Variants in HTR2C observed in about 807,000 individuals in gnomAD.
The protein encoded by HTR2C is 5-hydroxytryptamine receptor 2C.
HTR2C carries 5 observed loss-of-function variants against 21.0 expected under a neutral mutation model. The observed-to-expected ratio is 0.24, with a 90% CI of 0.12 to 0.50. The LOEUF is 0.50. HTR2C is among the 20% of genes least tolerant of loss of function. The pLI, the probability that HTR2C is intolerant of heterozygous loss-of-function variation, is 0.98. For synonymous variants in HTR2C, 150 were observed against 145.3 expected (o/e 1.03, Z -0.23); for missense variants, 271 against 371.2 (o/e 0.73, Z 2.22).
At chrX:114,755,528 G>A (rs922561196) in intron 4 of HTR2C, among the ~76,000 whole-genome samples, 1 of 111,081 alleles carries the variant, frequency 9.0e-6, no homozygotes. Context: ...ACAAGTGTTT[G>A]TATTCAGGGC....
At chrX:114,894,664 T>C in intron 5 of HTR2C, among the ~76,000 whole-genome samples, 1 of 111,590 alleles carries the variant, frequency 9.0e-6, no homozygotes, top group East Asian at 2.8e-4. Flanking sequence ...TTCAATAAGG[T>C]ATTTATATTT....
At position 114,759,660 on chromosome X, in the gene HTR2C, G is replaced by A. The variant is rs782127008; in HGVS notation, c.349+28053G>A. Reference sequence around the variant, plus strand: ...ATTTACATCATCTTTAACTTTCCACGGGGCCCCAATTCGTCAATCTCAACT... The same window carrying A: ...ATTTACATCATCTTTAACTTTCCACAGGGCCCCAATTCGTCAATCTCAACT... On this transcript the variant is annotated intron_variant, in intron 4 of 5. Coordinates refer to ENST00000276198, the MANE Select transcript of HTR2C (RefSeq NM_000868.4). 3.0e-4 allele frequency among the ~76,000 whole-genome samples: 33 copies of A among 110,254 alleles called. 1 individual carries two copies. Among genetic ancestry groups the A allele is most frequent in the Admixed American group, 1.2e-3 (12 of 10,308 alleles).
At chrX:114,620,781 T>A (rs987228746) in intron 2 of HTR2C, among the ~76,000 whole-genome samples, 1 of 112,353 alleles carries the variant, frequency 8.9e-6, no homozygotes, top group Non-Finnish European at 1.9e-5. Context: ...CCTGGTCATG[T>A]TTCCTGTTTT....
intron 5 of HTR2C, among the ~76,000 whole-genome samples, chrX:114,851,682 A>G (rs2070918865): frequency 9.0e-6 from 1 of 111,080 alleles, no homozygotes; most frequent in Non-Finnish European, 1.9e-5. Flanking sequence ...TGATGCTCAA[A>G]TTGTCTCATA....
chrX:114,876,422 C>CTTTTTTTTTTTTTTTTTTTTTCTTTTTTT (rs60498146), intron 5 of HTR2C, among the ~76,000 whole-genome samples: 3 of 62,396 alleles, frequency 4.8e-5, no homozygotes, highest in Admixed American at 2.4e-4. Flanking sequence ...CTTTTTCTTT[C>CTTTTTTTTTTTTTTTTTTTTTCTTTTTTT]TTTTTTTTTT....
chrX:114,819,460 A>G (rs1188328926), intron 4 of HTR2C, among the ~76,000 whole-genome samples: 1 of 112,622 alleles, frequency 8.9e-6, no homozygotes, highest in East Asian at 2.8e-4. Flanking sequence ...TATTCAGCAG[A>G]TTACAGGATG....
At chrX:114,637,742 A>G (rs782063668) in intron 2 of HTR2C, among the ~76,000 whole-genome samples, 1 of 111,675 alleles carries the variant, frequency 9.0e-6, no homozygotes, top group South Asian at 3.7e-4. Flanking sequence ...AGGAAAATTA[A>G]AATGCAAACT....
intron 4 of HTR2C, among the ~76,000 whole-genome samples, chrX:114,758,297 C>T (rs1208861169): frequency 9.0e-6 from 1 of 111,324 alleles, no homozygotes; most frequent in Admixed American, 9.6e-5. Context: ...CATGGTGGCT[C>T]ATGCCTGCAA....
chrX:114,906,889 A>G lies in HTR2C; in HGVS notation c.851A>G (p.Gln284Arg). The part of the protein sequence containing the change: ...EENSANPNQD[Q>R]NARRRKKKER... ...AACTCTGCAAACCCTAACCAAGACC[A>G]GAACGCACGCCGAAGAAAGAAGAAG... is the stretch of plus-strand genomic sequence containing the variant. The change falls in exon 6 of 6, where the codon CAG (glutamine) becomes CGG (arginine). Residue 284 changes from glutamine (Q) to arginine (R), a missense_variant. Coordinates refer to ENST00000276198, the MANE Select transcript of HTR2C (RefSeq NM_000868.4). 2 of 1,211,284 alleles carry G rather than the reference A, an allele frequency of 1.7e-6. No homozygotes were observed. Among genetic ancestry groups the G allele is most frequent in the East Asian group, 3.0e-5 (1 of 33,799 alleles).
chrX:114,865,950 G>C (rs990613248), intron 5 of HTR2C, among the ~76,000 whole-genome samples: 1 of 110,822 alleles, frequency 9.0e-6, no homozygotes, highest in Non-Finnish European at 1.9e-5. Flanking sequence ...TGAGTAGCTA[G>C]GATTACAGGC....
chrX:114,873,794 T>C (rs1367753970), intron 5 of HTR2C, among the ~76,000 whole-genome samples: 2 of 111,681 alleles, frequency 1.8e-5, no homozygotes, highest in Non-Finnish European at 3.8e-5. Context: ...TTTTTGTATA[T>C]GTGTGATGAG....
intron 1 of HTR2C, among the ~76,000 whole-genome samples, chrX:114,601,935 T>C (rs1341062118): frequency 3.1e-5 from 3 of 96,546 alleles, no homozygotes; most frequent in African/African-American, 1.2e-4. Flanking sequence ...GTGGGGATGT[T>C]AGAAGAAACA....
At chrX:114,682,538 G>T (rs183776239) in intron 2 of HTR2C, among the ~76,000 whole-genome samples, 1 of 111,086 alleles carries the variant, frequency 9.0e-6, no homozygotes, top group Non-Finnish European at 1.9e-5. Context: ...AAATAAGATT[G>T]CCTTGGAAAT....
At chrX:114,665,864 T>C (rs1308925114) in intron 2 of HTR2C, among the ~76,000 whole-genome samples, 3 of 111,270 alleles carry the variant, frequency 2.7e-5, no homozygotes, top group Non-Finnish European at 5.7e-5. Flanking sequence ...AATCTGTGCA[T>C]AAGTGGACTT....
intron 4 of HTR2C, among the ~76,000 whole-genome samples, chrX:114,746,820 C>T (rs1556426261): frequency 9.0e-6 from 1 of 110,933 alleles, no homozygotes; most frequent in Non-Finnish European, 1.9e-5. Context: ...TCCGTCTCTA[C>T]TAAAAATACA....
chrX:114,677,743 A>G (rs1556412975), intron 2 of HTR2C, among the ~76,000 whole-genome samples: 1 of 111,828 alleles, frequency 8.9e-6, no homozygotes, highest in African/African-American at 3.3e-5. Context: ...GGAAAGGATG[A>G]TAATTACAAA....
chrX:114,614,385 G>C (rs1179346575), intron 2 of HTR2C, among the ~76,000 whole-genome samples: 1 of 109,365 alleles, frequency 9.1e-6, no homozygotes, highest in East Asian at 2.9e-4. Flanking sequence ...CTCAGCCTCT[G>C]GGTAGCTAGG....
At chrX:114,656,842 C>A (rs1438157288) in intron 2 of HTR2C, among the ~76,000 whole-genome samples, 1 of 110,142 alleles carries the variant, frequency 9.1e-6, no homozygotes, top group Non-Finnish European at 1.9e-5. Flanking sequence ...CTGAAGATTT[C>A]ATTTCACTTC....
At chrX:114,661,532 G>T (rs782280140) in intron 2 of HTR2C, among the ~76,000 whole-genome samples, 2 of 110,531 alleles carry the variant, frequency 1.8e-5, no homozygotes, top group South Asian at 7.8e-4. Context: ...AATGACACCT[G>T]GCTAATTTTC....
Sources: gnomAD v4.1 joint callset for allele counts (sites outside exome capture counted in the v4.1 genomes callset) on GRCh38, gnomAD v4.1.1 for gene constraint, MANE v1.5 for transcripts, NCBI Gene and HGNC (gene_info 2026-07-23, HGNC 2026-07-21) for gene names.